Variants in MTHFD1L observed in about 807,000 individuals in gnomAD.
The protein encoded by MTHFD1L is monofunctional C1-tetrahydrofolate synthase, mitochondrial.
In MTHFD1L, 81 loss-of-function variants were observed where a neutral mutation model predicts 119.5. That is an observed-to-expected ratio of 0.68 (90% CI 0.57 to 0.82). The LOEUF is 0.82. MTHFD1L is among the 40% of genes least tolerant of loss of function. The pLI is 0.00. For synonymous variants in MTHFD1L, 430 were observed against 475.2 expected (o/e 0.90, Z 1.24); for missense variants, 1,125 against 1,253.4 (o/e 0.90, Z 1.55).
chr6:150,995,574 G>A (rs1333955395), intron 20 of MTHFD1L, among the ~76,000 whole-genome samples: 1 of 151,836 alleles, frequency 6.6e-6, no homozygotes, highest in African/African-American at 2.4e-5. Flanking sequence ...TTTGTCAACG[G>A]TACAAAGATA....
chr6:151,012,437 C>G (rs1324148604), intron 21 of MTHFD1L, among the ~76,000 whole-genome samples: 1 of 152,046 alleles, frequency 6.6e-6, no homozygotes, highest in East Asian at 1.9e-4. Flanking sequence ...TTGATCATTA[C>G]ACAAATAACC....
At chr6:150,868,922 G>A (rs924826508) in intron 1 of MTHFD1L, among the ~76,000 whole-genome samples, 1 of 151,986 alleles carries the variant, frequency 6.6e-6, no homozygotes, top group African/African-American at 2.4e-5. Context: ...AAATTAACTG[G>A]GCGTGGCGCG....
chr6:150,985,003 C>T (rs947806307), intron 20 of MTHFD1L: 4 of 152,140 alleles, frequency 2.6e-5, no homozygotes, highest in Non-Finnish European at 4.4e-5. Context: ...CACTTCACCT[C>T]CCCCAAATCT....
At chr6:150,962,589 C>T (rs1796598393) in intron 18 of MTHFD1L, among the ~76,000 whole-genome samples, 1 of 152,128 alleles carries the variant, frequency 6.6e-6, no homozygotes, top group Non-Finnish European at 1.5e-5. Flanking sequence ...CTGAGCCTTC[C>T]CCACATGGAC....
At chr6:150,912,368 G>A (rs1310845942) in intron 8 of MTHFD1L, among the ~76,000 whole-genome samples, 4 of 149,734 alleles carry the variant, frequency 2.7e-5, no homozygotes, top group Admixed American at 6.6e-5. Flanking sequence ...TTAAAACCTC[G>A]CATACATTTT....
chr6:150,877,970 C>G (rs1780735637), intron 4 of MTHFD1L, 144 bp downstream of exon 4: 2 of 941,526 alleles, frequency 2.1e-6, no homozygotes, highest in Admixed American at 2.3e-5. Context: ...CTTCTTTTCT[C>G]TAGGGTAAAT....
At chr6:150,867,794 C>CTTTTT (rs35396368) in intron 1 of MTHFD1L, among the ~76,000 whole-genome samples, 9 of 115,930 alleles carry the variant, frequency 7.8e-5, no homozygotes, top group Admixed American at 2.7e-4. Flanking sequence ...CATACATATT[C>CTTTTT]TTTTTTTTTT....
In MTHFD1L at chr6:151,024,155, G is replaced by A. The variant is rs566890989; in HGVS notation, c.2586+8462G>A. 4.6e-5 allele frequency among the ~76,000 whole-genome samples: 7 copies of A among 151,980 alleles called. No individual in the cohort carries two copies. In the South Asian group the frequency reaches 1.2e-3, roughly 27 times the overall value. ...CCTTGAACATGAACACGGAACGAGC[G>A]TTGCACCTGTATTCATTCATTTCGC... On this transcript the variant is annotated intron_variant, in intron 24 of 27. Coordinates refer to ENST00000367321, the MANE Select transcript of MTHFD1L (RefSeq NM_015440.5).
intron 20 of MTHFD1L, among the ~76,000 whole-genome samples, chr6:150,986,801 T>C (rs1010498845): frequency 6.6e-6 from 1 of 152,066 alleles, no homozygotes; most frequent in South Asian, 2.1e-4. Context: ...ACCTCCCAGG[T>C]TCAAGTGATT....
intron 1 of MTHFD1L, among the ~76,000 whole-genome samples, chr6:150,875,354 C>T (rs1337454655): frequency 2.0e-5 from 3 of 152,084 alleles, no homozygotes; most frequent in Non-Finnish European, 4.4e-5. Context: ...AGGCCTTCTA[C>T]CACTTTTACC....
intron 24 of MTHFD1L, among the ~76,000 whole-genome samples, chr6:151,023,140 G>A (rs1437751338): frequency 1.3e-5 from 2 of 150,572 alleles, no homozygotes; most frequent in Admixed American, 6.6e-5. Context: ...TCCACCTCCC[G>A]GTTTCAAGCA....
intron 20 of MTHFD1L, among the ~76,000 whole-genome samples, chr6:150,991,178 T>C (rs1210689084): frequency 6.6e-6 from 1 of 152,136 alleles, no homozygotes; most frequent in Non-Finnish European, 1.5e-5. Context: ...CATAGAGCTT[T>C]GTATCACAAT....
At chr6:150,938,777 C>CA in intron 13 of MTHFD1L, 32 bp downstream of exon 13, 1 of 1,584,528 alleles carries the variant, frequency 6.3e-7, no homozygotes, top group Non-Finnish European at 8.6e-7. Context: ...GGTCAGCTAT[C>CA]ACTGTGTTTC....
intron 10 of MTHFD1L, among the ~76,000 whole-genome samples, chr6:150,923,545 T>TTTTTTC (rs1789418300): frequency 1.2e-4 from 3 of 24,032 alleles, no homozygotes; most frequent in African/African-American, 9.6e-4. Flanking sequence ...TTATTTTTTC[T>TTTTTTC]TTTTTTTTTT....
At chr6:151,064,792 T>TTTTTTTTTG (rs1554296830) in intron 26 of MTHFD1L, among the ~76,000 whole-genome samples, 98 of 151,462 alleles carry the variant, frequency 6.5e-4, no homozygotes, top group African/African-American at 1.8e-3. Context: ...TTTTTTTGTT[T>TTTTTTTTTG]TTTTTTTGTT....
intron 20 of MTHFD1L, among the ~76,000 whole-genome samples, chr6:150,974,805 C>T (rs992484045): frequency 4.6e-5 from 7 of 151,244 alleles, no homozygotes; most frequent in African/African-American, 1.7e-4. Context: ...GGCACAATCT[C>T]AGCTCACTGC....
chr6:150,965,386 C>T (rs111504422), intron 19 of MTHFD1L, among the ~76,000 whole-genome samples: 3,038 of 152,176 alleles, frequency 0.02, 109 homozygotes, highest in African/African-American at 0.069. Context: ...TGAGGCCAGG[C>T]GCGGCGGCTC....
intron 24 of MTHFD1L, chr6:151,016,868 G>A (rs1783155306): frequency 5.5e-6 from 1 of 182,678 alleles, no homozygotes; most frequent in Admixed American, 6.4e-5. Flanking sequence ...CACCTCCCGG[G>A]TTCAAGCAAT....
In MTHFD1L at chr6:150,980,909, G is replaced by A. The variant is rs116572382; in HGVS notation, c.2125+8851G>A. ...TATATGTACACTAGAGATCTGTAGCGGAGGTTCTCAGACTTTCTCTGCTCG... is the reference window on the plus strand; with the variant it reads ...TATATGTACACTAGAGATCTGTAGCAGAGGTTCTCAGACTTTCTCTGCTCG... On this transcript the variant is annotated intron_variant, in intron 20 of 27. Coordinates refer to ENST00000367321, the MANE Select transcript of MTHFD1L (RefSeq NM_015440.5). Among the ~76,000 whole-genome samples the A allele has an allele frequency of 4.0e-3, 604 of 151,994 alleles. 7 individuals are homozygous for A. The highest frequency in any genetic ancestry group is 0.013 in the African/African-American group (547 of 41,456).
Sources: gnomAD v4.1 joint callset for allele counts (sites outside exome capture counted in the v4.1 genomes callset) on GRCh38, gnomAD v4.1.1 for gene constraint, MANE v1.5 for transcripts, NCBI Gene and HGNC (gene_info 2026-07-23, HGNC 2026-07-21) for gene names.